The following IGFALS variants were observed in gnomAD, a reference collection of about 807,000 sequenced individuals.
IGFALS encodes the protein insulin like growth factor binding protein acid labile subunit, also known as insulin-like growth factor-binding protein complex acid labile subunit.
IGFALS carries 2 observed loss-of-function variants against 2.6 expected under a neutral mutation model. The ratio of observed to expected loss-of-function variants is 0.77; its 90% CI spans 0.32 to 2.44. IGFALS has a LOEUF of 2.44. Among genes scored for constraint, IGFALS ranks in the 30% most tolerant of loss-of-function variants. The pLI, the probability that IGFALS is intolerant of heterozygous loss-of-function variation, is 0.11. For synonymous variants in IGFALS, 519 were observed against 431.9 expected, an observed-to-expected ratio of 1.20 and a Z score of -2.50; for missense variants, 996 against 848.7, an observed-to-expected ratio of 1.17 and a Z score of -2.16.
Position 1,792,580 on chromosome 16 carries a change from C to A in IGFALS, c.17-179G>T, listed in dbSNP as rs73483762. ...GGCTCAAAAGCTGACACTGCGCTTC[C>A]CACCCCATGGGACAGAGGAGTGGCC... is the stretch of plus-strand genomic sequence containing the variant. On this transcript the variant is annotated intron_variant, in intron 1 of 1. Transcript: ENST00000215539. 17,640 of 1,240,688 alleles carry A rather than the reference C, an allele frequency of 0.014. 1,900 individuals are homozygous for A. In the African/African-American group the frequency reaches 0.23, roughly 17 times the overall value. The allele number at this position is 1,240,688 out of a possible 1,614,324, so 76.9% of individuals were successfully genotyped here.
upstream of IGFALS, among the ~76,000 whole-genome samples, chr16:1,794,481 C>T (rs1037407603): frequency 5.9e-5 from 9 of 152,138 alleles, no homozygotes; most frequent in African/African-American, 9.7e-5. Context: ...AGGGCCTGGC[C>T]GCCCCACAGT....
rs956716107 is a variant in IGFALS at position 1,793,692 on chromosome 16, G to A, written c.-40C>T. 6 of 1,573,010 alleles carry A rather than the reference G, an allele frequency of 3.8e-6. No individual in the cohort carries two copies. The South Asian group carries it at 4.6e-5, about 12-fold the overall frequency. On this transcript the variant is annotated 5_prime_UTR_variant, in exon 1 of 2. Coordinates refer to ENST00000215539, the MANE Select transcript of IGFALS (RefSeq NM_004970.3). ...AGGCTGCAGGCAGGCAGCGAGGGAG[G>A]GTACGTCTGCTGTGCCGGCCACCCC...
In IGFALS at chr16:1,791,406, C is replaced by G; in HGVS notation, c.1012G>C (p.Gly338Arg). The change falls in exon 2 of 2, where the codon GGG becomes CGG. Residue 338 changes from glycine to arginine, a missense_variant. Gly to Arg is a moderately radical substitution (Grantham distance 125, BLOSUM62 -2). Transcript: ENST00000215539. ...QLAERSFEGL[G>R]QLEVLTLDHN... Reference sequence around the variant, plus strand: ...TCTAGCGTGAGCACCTCAAGCTGCCCCAGGCCCTCAAAGCTGCGCTCAGCC... The same window carrying G: ...TCTAGCGTGAGCACCTCAAGCTGCCGCAGGCCCTCAAAGCTGCGCTCAGCC... 6.2e-7 allele frequency: 1 copy of G among 1,611,416 alleles called. No individual in the cohort carries two copies. Among genetic ancestry groups the G allele is most frequent in the South Asian group, 1.1e-5 (1 of 91,090 alleles).
In IGFALS at chr16:1,791,790, G is replaced by A; in HGVS notation, c.628C>T (p.Gln210Ter). ...VLAGNRLAYL[Q>*]PALFSGLAEL... ...GCCAGGCCGCTGAAGAGCGCGGGCT[G>A]CAGGTAGGCCAGCCTGTTGCCCGCC... The change falls in exon 2 of 2, where the codon CAG (glutamine) becomes TAG (stop). Residue 210 changes from glutamine (Q) to a stop codon, truncating the protein, a stop_gained. Coordinates refer to ENST00000215539, the MANE Select transcript of IGFALS (RefSeq NM_004970.3). LOFTEE classifies it low-confidence loss of function (END_TRUNC). The A allele has an allele frequency of 3.9e-6, 6 of 1,548,960 alleles. No individual in the cohort carries two copies. Among genetic ancestry groups the A allele is most frequent in the Non-Finnish European group, 5.2e-6 (6 of 1,150,176 alleles).
intron 1 of IGFALS, 97 bp downstream of exon 1, chr16:1,793,540 G>A: frequency 8.1e-7 from 1 of 1,232,028 alleles, no homozygotes; most frequent in Non-Finnish European, 1.1e-6. Context: ...GAGCCCCCCA[G>A]AGCTTCCTTG....
rs1249419821 is a variant in IGFALS, at chr16:1,790,415, A to G, written c.*185T>C. 2 of 655,672 alleles carry G rather than the reference A, an allele frequency of 3.1e-6. No homozygotes were observed. The highest frequency in any genetic ancestry group is 3.6e-5 in the African/African-American group (2 of 56,096). The allele number at this position is 655,672 out of a possible 1,614,324, so 40.6% of individuals were successfully genotyped here. A position where few individuals can be genotyped will look rare whatever the true frequency, so the allele number is the denominator to read the frequency against. On this transcript the variant is annotated 3_prime_UTR_variant, in exon 2 of 2. Transcript: ENST00000215539. ...TTCGCAGTCACCCACTGTGCCTGTT[A>G]GATTCGATTGCCTTTGCCTTTAATT... is the stretch of plus-strand genomic sequence containing the variant.
Position 1,791,128 on chromosome 16 carries a change from C to G in IGFALS, c.1290G>C (p.Leu430=), listed in dbSNP as rs762760955. The stretch of plus-strand genomic sequence containing the variant: ...GCTCCAGCAGCTCCGCCAGCCCCCA[C>G]AGGCTCTGCTCCTCAATGCCCACGA... ...NGLVGIEEQS[L]WGLAELLELD... The change falls in exon 2 of 2, where the codon CTG becomes CTC. Residue 430 remains leucine (L), a synonymous_variant. Coordinates refer to ENST00000215539, the MANE Select transcript of IGFALS (RefSeq NM_004970.3). The G allele has an allele frequency of 2.7e-5, 43 of 1,604,234 alleles. No homozygotes were observed. Among genetic ancestry groups the G allele is most frequent in the Non-Finnish European group, 3.6e-5 (42 of 1,179,700 alleles).
chr16:1,793,891 C>T (rs909138805), upstream of IGFALS: 4 of 419,734 alleles, frequency 9.5e-6, no homozygotes, highest in East Asian at 3.5e-5. Context: ...CCGAGGTAGC[C>T]GTAATGCGGC....
Position 1,792,157 on chromosome 16 carries a change from C to T in IGFALS, c.261G>A (p.Ser87=), listed in dbSNP as rs779573837. 14 of 1,611,274 alleles carry T rather than the reference C, an allele frequency of 8.7e-6. No individual in the cohort carries two copies. Among genetic ancestry groups the T allele is most frequent in the African/African-American group, 8.0e-5 (6 of 74,882 alleles). Residue 87 remains serine, a synonymous_variant, in exon 2 of 2, where the codon TCG becomes TCA. Transcript: ENST00000215539. Reference sequence around the variant, plus strand: ...TCTGGAAGGCTGCCGGGGGGACGGACGAGAGGTTGTTGCCGTCCAGCCACA... The same window carrying T: ...TCTGGAAGGCTGCCGGGGGGACGGATGAGAGGTTGTTGCCGTCCAGCCACA... The part of the protein sequence containing the change: ...QALWLDGNNL[S]SVPPAAFQNL...
upstream of IGFALS, among the ~76,000 whole-genome samples, chr16:1,794,119 C>G (rs973926722): frequency 6.6e-6 from 1 of 151,956 alleles, no homozygotes; most frequent in Non-Finnish European, 1.5e-5. Context: ...AGTAGCCAGC[C>G]GTGTGGGGCT....
At chr16:1,792,436 G>T in intron 1 of IGFALS, 35 bp from the exon 2 acceptor site, 1 of 1,514,604 alleles carries the variant, frequency 6.6e-7, no homozygotes, top group Non-Finnish European at 8.8e-7. Context: ...GCGGCCCGAG[G>T]AGGGCTCTGC....
At position 1,791,507 on chromosome 16, in the gene IGFALS, C is replaced by T. The variant is rs560424016; in HGVS notation, c.911G>A (p.Ser304Asn). The T allele has an allele frequency of 6.2e-7, 1 of 1,605,796 alleles. No individual in the cohort carries two copies. Among genetic ancestry groups the T allele is most frequent in the Admixed American group, 1.7e-5 (1 of 59,084 alleles). ...GTCCTTGAAGGTGCGGGGCCGCAGG[C>T]TGGCGATGGCGTTGTGGGACAGCCG... The part of the protein sequence containing the change: ...VLRLSHNAIA[S>N]LRPRTFKDLH... The change falls in exon 2 of 2, where the codon AGC becomes AAC. Residue 304 changes from serine (S) to asparagine (N), a missense_variant. By Grantham distance (46) the Ser-to-Asn change is conservative (BLOSUM62 1). Transcript: ENST00000215539.
intron 1 of IGFALS, among the ~76,000 whole-genome samples, chr16:1,793,065 G>C (rs186939): frequency 0.7 from 106,689 of 152,122 alleles, 37,643 homozygotes; most frequent in Middle Eastern, 0.8. Flanking sequence ...CAGCCAGCAG[G>C]CTCCCAAGCA....
At chr16:1,792,678 C>T (rs1200313754) in intron 1 of IGFALS, among the ~76,000 whole-genome samples, 1 of 152,244 alleles carries the variant, frequency 6.6e-6, no homozygotes, top group Non-Finnish European at 1.5e-5. Context: ...CTCGGCCAGG[C>T]TGGGTCTCGG....
chr16:1,790,742 G>A lies in IGFALS; in HGVS notation c.1676C>T (p.Pro559Leu), dbSNP rs1317879581. ...CTCACAGATGGCCTGGACGAAGCGGGGCACAGCACTGGGGTTCTGCAGGGC... is the reference window on the plus strand; with the variant it reads ...CTCACAGATGGCCTGGACGAAGCGGAGCACAGCACTGGGGTTCTGCAGGGC... The part of the protein sequence containing the change: ...DFALQNPSAV[P>L]RFVQAICEGD... Residue 559 changes from proline (P) to leucine (L), a missense_variant, in exon 2 of 2, where the codon CCC (proline) becomes CTC (leucine). Coordinates refer to ENST00000215539, the MANE Select transcript of IGFALS (RefSeq NM_004970.3). The A allele has an allele frequency of 8.7e-6, 14 of 1,604,640 alleles. No individual in the cohort carries two copies. The highest frequency in any genetic ancestry group is 1.1e-5 in the South Asian group (1 of 89,486).
At position 1,791,073 on chromosome 16, in the gene IGFALS, G is replaced by A. The variant is rs1179835382; in HGVS notation, c.1345C>T (p.Leu449=). The A allele has an allele frequency of 1.3e-6, 2 of 1,599,008 alleles. No individual in the cohort carries two copies. The highest frequency in any genetic ancestry group is 1.3e-5 in the African/African-American group (1 of 74,930). Residue 449 remains leucine (L), a synonymous_variant, in exon 2 of 2, where the codon CTG becomes TTG. Transcript: ENST00000215539. ...LDLTSNQLTH[L]PHRLFQGLGK... ...AGGCCCTGGAAGAGGCGGTGGGGCA[G>A]GTGCGTGAGCTGGTTGGAGGTCAGG...
In IGFALS at chr16:1,793,569, C is replaced by T. The variant is rs917990392; in HGVS notation, c.16+68G>A. The T allele has an allele frequency of 2.0e-6, 3 of 1,507,868 alleles. No homozygotes were observed. The Admixed American group carries it at 5.7e-5, about 29-fold the overall frequency. 93.4% of individuals were successfully genotyped at this position (1,507,868 alleles called of 1,614,324 possible). A position where few individuals can be genotyped will look rare whatever the true frequency, so the allele number is the denominator to read the frequency against. On this transcript the variant is annotated intron_variant, in intron 1 of 1. Transcript: ENST00000215539. ...TTCCTTGGGGGCTACCCCGGCCTCTCCCCAGCGGGCTCAGGGTCACAGACT... is the reference window on the plus strand; with the variant it reads ...TTCCTTGGGGGCTACCCCGGCCTCTTCCCAGCGGGCTCAGGGTCACAGACT...
At position 1,792,054 on chromosome 16, in the gene IGFALS, C is replaced by G. The variant is rs557721712; in HGVS notation, c.364G>C (p.Glu122Gln). The G allele has an allele frequency of 1.9e-6, 3 of 1,610,476 alleles. No individual in the cohort carries two copies. The highest frequency in any genetic ancestry group is 3.3e-5 in the Admixed American group (2 of 59,766). The change falls in exon 2 of 2, where the codon GAG becomes CAG. Residue 122 changes from glutamate (E) to glutamine (Q), a missense_variant. Transcript: ENST00000215539. ...TCCAGGTGCAGGTGGCACAGGTTCT[C>G]TAGGCCCAGCAGCGCCTGTGGCTCC... Reference protein sequence around the residue: ...SLEPQALLGLENLCHLHLERN... With the variant: ...SLEPQALLGLQNLCHLHLERN...
Position 1,791,412 on chromosome 16 carries a change from C to A in IGFALS, c.1006G>T (p.Gly336Cys), listed in dbSNP as rs1212438852. 6.2e-7 allele frequency: 1 copy of A among 1,611,706 alleles called. No individual in the cohort carries two copies. Among genetic ancestry groups the A allele is most frequent in the Admixed American group, 1.7e-5 (1 of 60,022 alleles). ...IRQLAERSFE[G>C]LGQLEVLTLD... The stretch of plus-strand genomic sequence containing the variant: ...GTGAGCACCTCAAGCTGCCCCAGGC[C>A]CTCAAAGCTGCGCTCAGCCAGCTGC... Residue 336 changes from glycine (G) to cysteine (C), a missense_variant, in exon 2 of 2, where the codon GGC becomes TGC. By Grantham distance (159) the Gly-to-Cys change is radical. Transcript: ENST00000215539.
Sources: allele counts gnomAD v4.1 joint callset (sites outside exome capture counted in the v4.1 genomes callset), GRCh38; gene constraint gnomAD v4.1.1; transcripts MANE v1.5; gene names NCBI Gene and HGNC (gene_info 2026-07-23, HGNC 2026-07-21).